Variants in EPHA6 observed in about 807,000 individuals in gnomAD.
EPHA6 encodes the protein ephrin type-A receptor 6.
A neutral mutation model predicts 112.0 loss-of-function variants in EPHA6; 50 were observed. The ratio of observed to expected loss-of-function variants is 0.45; its 90% CI spans 0.36 to 0.56. The LOEUF (loss-of-function observed/expected upper bound fraction) is 0.56. Among genes scored for constraint, EPHA6 ranks in the 20% least tolerant of loss-of-function variants. The pLI is 0.00. For synonymous variants in EPHA6, 529 were observed against 490.7 expected, an observed-to-expected ratio of 1.08 and a Z score of -1.03; for missense variants, 1,280 against 1,417.4, an observed-to-expected ratio of 0.90 and a Z score of 1.56.
At chr3:96,859,370 C>A (rs1406692993) in intron 1 of EPHA6, among the ~76,000 whole-genome samples, 3 of 148,952 alleles carry the variant, frequency 2.0e-5, no homozygotes, top group Non-Finnish European at 4.4e-5. Context: ...GTGTTTACCT[C>A]TGATAATGGT....
At chr3:97,399,441 C>T (rs745614920) in intron 5 of EPHA6, among the ~76,000 whole-genome samples, 42 of 151,206 alleles carry the variant, frequency 2.8e-4, no homozygotes, top group Non-Finnish European at 4.9e-4. Flanking sequence ...CATTTCCTCT[C>T]GATATATACC....
chr3:97,001,459 T>A (rs1366770039), intron 3 of EPHA6, among the ~76,000 whole-genome samples: 2 of 151,976 alleles, frequency 1.3e-5, no homozygotes, highest in African/African-American at 4.8e-5. Flanking sequence ...GTGTTCTCAG[T>A]TATTCATGTG....
intron 14 of EPHA6, among the ~76,000 whole-genome samples, chr3:97,674,697 T>C (rs1166807827): frequency 6.6e-6 from 1 of 152,208 alleles, no homozygotes; most frequent in East Asian, 1.9e-4. Context: ...AATAGCTGAC[T>C]GATTCAATTA....
rs140197619 is a variant in EPHA6 at position 97,504,609 on chromosome 3, C to T, written c.2200+20550C>T. On this transcript the variant is annotated intron_variant, in intron 10 of 17. Coordinates refer to ENST00000389672, the MANE Select transcript of EPHA6 (RefSeq NM_001080448.3). ...CCTTCTTTAGCCAAGCCACACTGTGCAAGTTCTCTCATCTGTGCTTTCAGG... is the reference window on the plus strand; with the variant it reads ...CCTTCTTTAGCCAAGCCACACTGTGTAAGTTCTCTCATCTGTGCTTTCAGG... 6.5e-3 allele frequency among the ~76,000 whole-genome samples: 996 copies of T among 152,220 alleles called. 12 individuals carry two copies. Among genetic ancestry groups the T allele is most frequent in the African/African-American group, 0.022 (916 of 41,546 alleles).
At chr3:97,268,058 A>G (rs774608379) in intron 5 of EPHA6, among the ~76,000 whole-genome samples, 2 of 152,204 alleles carry the variant, frequency 1.3e-5, no homozygotes, top group African/African-American at 4.8e-5. Context: ...ATCTTTCTAT[A>G]TATCTGATTC....
chr3:97,519,862 A>T (rs2092510006), intron 10 of EPHA6, among the ~76,000 whole-genome samples: 2 of 151,496 alleles, frequency 1.3e-5, no homozygotes, highest in Middle Eastern at 3.4e-3. Context: ...TATTTATGTG[A>T]TCTAAGAGTT....
intron 14 of EPHA6, among the ~76,000 whole-genome samples, chr3:97,651,775 C>T (rs376687089): frequency 1.3e-4 from 20 of 151,972 alleles, no homozygotes; most frequent in African/African-American, 4.6e-4. Context: ...AGTAAAATGT[C>T]ATTGGCCCAT....
intron 5 of EPHA6, among the ~76,000 whole-genome samples, chr3:97,392,297 A>C (rs916268548): frequency 6.6e-6 from 1 of 151,770 alleles, no homozygotes; most frequent in Non-Finnish European, 1.5e-5. Flanking sequence ...ATTACTTGTT[A>C]AGGTAATTTA....
At chr3:96,849,241 A>C (rs559775677) in intron 1 of EPHA6, among the ~76,000 whole-genome samples, 1 of 152,164 alleles carries the variant, frequency 6.6e-6, no homozygotes, top group Non-Finnish European at 1.5e-5. Flanking sequence ...ATAGCATAAA[A>C]AGTGCCAGTT....
chr3:97,446,991 A>T (rs1315060040), intron 6 of EPHA6, among the ~76,000 whole-genome samples: 1 of 152,018 alleles, frequency 6.6e-6, no homozygotes, highest in East Asian at 1.9e-4. Flanking sequence ...GTCTTTTTTT[A>T]TTTAAAATGT....
At chr3:97,520,576 G>A (rs1349602924) in intron 10 of EPHA6, among the ~76,000 whole-genome samples, 1 of 152,184 alleles carries the variant, frequency 6.6e-6, no homozygotes, top group Non-Finnish European at 1.5e-5. Context: ...GAAATCTGCT[G>A]TTAGTATGAT....
At position 97,172,849 on chromosome 3, in the gene EPHA6, A is replaced by G. The variant is rs572535741; in HGVS notation, c.1115-53415A>G. Among the ~76,000 whole-genome samples, 6 of 152,106 alleles carry G rather than the reference A, an allele frequency of 3.9e-5. No homozygotes were observed. The East Asian group carries it at 1.2e-3, about 29-fold the overall frequency. ...CTCAAATGACCGGTTACAAAGCACA[A>G]CCAAACTGTTGTAGTTTTAGGAAAT... On this transcript the variant is annotated intron_variant, in intron 3 of 17. Transcript: ENST00000389672.
At chr3:97,661,144 C>T (rs889733656) in intron 14 of EPHA6, among the ~76,000 whole-genome samples, 1 of 152,110 alleles carries the variant, frequency 6.6e-6, no homozygotes, top group Non-Finnish European at 1.5e-5. Flanking sequence ...GCTGTAGCAC[C>T]TCCAGTATCT....
chr3:97,331,454 C>T (rs959842040), intron 5 of EPHA6, among the ~76,000 whole-genome samples: 1 of 152,090 alleles, frequency 6.6e-6, no homozygotes, highest in Non-Finnish European at 1.5e-5. Context: ...ATCAATGAAT[C>T]CAGGAACTGG....
chr3:97,748,569 C>T lies in EPHA6; in HGVS notation c.3279-18C>T, dbSNP rs1342673934. On this transcript the variant is annotated intron_variant, in intron 17 of 17. Coordinates refer to ENST00000389672, the MANE Select transcript of EPHA6 (RefSeq NM_001080448.3). Reference sequence around the variant, plus strand: ...GCTCTCACTCTCGCTCTCACTCTTGCTCTCTCCTTTCTTTCAGTGACATTA... The same window carrying T: ...GCTCTCACTCTCGCTCTCACTCTTGTTCTCTCCTTTCTTTCAGTGACATTA... 1 of 1,327,852 alleles carries T rather than the reference C, an allele frequency of 7.5e-7. No homozygotes were observed. The highest frequency in any genetic ancestry group is 1.1e-6 in the Non-Finnish European group (1 of 922,644). 82.3% of individuals were successfully genotyped at this position (1,327,852 alleles called of 1,614,324 possible). A position where few individuals can be genotyped will look rare whatever the true frequency, so the allele number is the denominator to read the frequency against.
At chr3:97,315,747 C>A (rs558554498) in intron 5 of EPHA6, among the ~76,000 whole-genome samples, 63 of 151,782 alleles carry the variant, frequency 4.2e-4, no homozygotes, top group African/African-American at 1.4e-3. Context: ...CCATTTAATT[C>A]TTTAACAAGT....
chr3:97,407,062 A>AAATGACTATATG (rs1577273315), intron 6 of EPHA6, among the ~76,000 whole-genome samples: 1 of 152,126 alleles, frequency 6.6e-6, no homozygotes, highest in East Asian at 1.9e-4. Context: ...TTTTATAGTC[A>AAATGACTATATG]TTTATACCTG....
At chr3:96,885,651 T>A (rs528894080) in intron 2 of EPHA6, among the ~76,000 whole-genome samples, 1 of 152,312 alleles carries the variant, frequency 6.6e-6, no homozygotes, top group African/African-American at 2.4e-5. Flanking sequence ...GCTCTATCAA[T>A]TTTATTTATC....
chr3:97,253,674 T>C (rs1330549275), intron 5 of EPHA6, among the ~76,000 whole-genome samples: 1 of 152,126 alleles, frequency 6.6e-6, no homozygotes, highest in Non-Finnish European at 1.5e-5. Context: ...ATGTGCTTTA[T>C]GTTGTTTTTC....
Sources: gnomAD v4.1 joint callset for allele counts (sites outside exome capture counted in the v4.1 genomes callset) on GRCh38, gnomAD v4.1.1 for gene constraint, MANE v1.5 for transcripts, NCBI Gene and HGNC (gene_info 2026-07-23, HGNC 2026-07-21) for gene names.